Variants in CSMD1 observed in about 807,000 individuals in gnomAD.
The protein encoded by CSMD1 is CUB and Sushi multiple domains 1.
Under a neutral mutation model 417.5 loss-of-function variants are expected in CSMD1, and 213 were observed. The observed-to-expected ratio is 0.51, with a 90% CI of 0.46 to 0.57. The LOEUF (loss-of-function observed/expected upper bound fraction) is 0.57. CSMD1 is among the 20% of genes least tolerant of loss of function. CSMD1 has a pLI of 0.00. For synonymous variants in CSMD1, 2,862 were observed against 1,736.8 expected (o/e 1.65, Z -16.11); for missense variants, 6,923 against 4,529.7 (o/e 1.53, Z -15.17).
At chr8:4,339,931 A>C (rs1173498244) in intron 3 of CSMD1, among the ~76,000 whole-genome samples, 1 of 152,036 alleles carries the variant, frequency 6.6e-6, no homozygotes, top group South Asian at 2.1e-4. Flanking sequence ...GGCCTGAGGC[A>C]AGAGGATCAC....
At chr8:3,927,360 A>G (rs1809811381) in intron 5 of CSMD1, among the ~76,000 whole-genome samples, 1 of 151,990 alleles carries the variant, frequency 6.6e-6, no homozygotes, top group African/African-American at 2.4e-5. Context: ...AAGGAAAGGT[A>G]TCACTGTATA....
chr8:3,406,056 A>T lies in CSMD1; in HGVS notation c.2237T>A (p.Val746Asp), dbSNP rs182424404. The change falls in exon 15 of 70, where the codon GTC becomes GAC. Residue 746 changes from valine (V) to aspartate (D), a missense_variant. Val to Asp is a radical substitution (Grantham distance 152). Coordinates refer to ENST00000635120, the MANE Select transcript of CSMD1 (RefSeq NM_033225.6). ...ACAGCGGGGCACGGTGGAGCTCCAG[A>T]CCACGTTCCCGTCTTGCAGTATGCA... is the stretch of plus-strand genomic sequence containing the variant. ...ITCILQDGNV[V>D]WSSTVPRCEA... 9.9e-6 allele frequency: 16 copies of T among 1,613,898 alleles called. No homozygotes were observed. The East Asian group carries it at 3.3e-4, about 34-fold the overall frequency.
intron 5 of CSMD1, among the ~76,000 whole-genome samples, chr8:3,950,185 G>C (rs1291802172): frequency 3.3e-5 from 5 of 152,172 alleles, no homozygotes; most frequent in Non-Finnish European, 7.3e-5. Flanking sequence ...CAAGACCCTA[G>C]AGGCCACGAT....
intron 3 of CSMD1, among the ~76,000 whole-genome samples, chr8:4,037,334 A>G (rs2130612104): frequency 6.6e-6 from 1 of 152,276 alleles, no homozygotes; most frequent in African/African-American, 2.4e-5. Flanking sequence ...CCCAGAACCT[A>G]CCAAGCACTT....
At chr8:4,662,262 T>C (rs1585411235) in intron 1 of CSMD1, among the ~76,000 whole-genome samples, 4 of 152,236 alleles carry the variant, frequency 2.6e-5, no homozygotes, top group South Asian at 4.1e-4. Flanking sequence ...TTAATAAACA[T>C]TTTTATTTTG....
intron 3 of CSMD1, among the ~76,000 whole-genome samples, chr8:4,092,828 A>G (rs1057135090): frequency 6.6e-6 from 1 of 152,084 alleles, no homozygotes; most frequent in African/African-American, 2.4e-5. Context: ...ATTTGTTTTG[A>G]TCAAAGCACT....
chr8:3,245,949 T>C (rs941592675), intron 26 of CSMD1, among the ~76,000 whole-genome samples: 5 of 152,222 alleles, frequency 3.3e-5, no homozygotes, highest in African/African-American at 1.2e-4. Context: ...ATAGTGTTTT[T>C]ATTTTTTTCT....
At chr8:4,354,008 G>A (rs540102209) in intron 3 of CSMD1, among the ~76,000 whole-genome samples, 15 of 152,274 alleles carry the variant, frequency 9.9e-5, no homozygotes, top group Non-Finnish European at 1.8e-4. Flanking sequence ...TGGTTGTTCA[G>A]CACATTCTTC....
chr8:4,705,440 T>C (rs1204111455), intron 1 of CSMD1, among the ~76,000 whole-genome samples: 1 of 152,210 alleles, frequency 6.6e-6, no homozygotes, highest in East Asian at 1.9e-4. Context: ...CAGTCGCCTG[T>C]CATTCAAAAG....
In CSMD1 at chr8:4,289,426, A is replaced by AT. The variant is rs1017549082; in HGVS notation, c.415+130526dup. 1.0e-4 allele frequency among the ~76,000 whole-genome samples: 12 copies of AT among 119,244 alleles called. 1 individual carries two copies. Among genetic ancestry groups the AT allele is most frequent in the African/African-American group, 2.9e-4 (10 of 34,032 alleles). The allele number at this position is 119,244 out of a possible 152,430, so 78.2% of individuals were successfully genotyped here. ...GGGAGCCAGGGCCTGTGTTTCTCCT[A>AT]TTTTTTGCACAAACACTCTAAATGA... On this transcript the variant is annotated intron_variant, in intron 3 of 69. Transcript: ENST00000635120.
chr8:4,223,952 C>A (rs536120674), intron 3 of CSMD1, among the ~76,000 whole-genome samples: 1 of 152,162 alleles, frequency 6.6e-6, no homozygotes, highest in Non-Finnish European at 1.5e-5. Context: ...TGTGCTTGAA[C>A]ATACTAGTCC....
intron 37 of CSMD1, among the ~76,000 whole-genome samples, chr8:3,176,513 C>G (rs184431629): frequency 1.3e-5 from 2 of 152,198 alleles, no homozygotes; most frequent in African/African-American, 4.8e-5. Context: ...TTTCAAACCC[C>G]TAAGACCCTT....
At chr8:4,401,944 C>T (rs900713272) in intron 3 of CSMD1, among the ~76,000 whole-genome samples, 1 of 152,098 alleles carries the variant, frequency 6.6e-6, no homozygotes, top group Non-Finnish European at 1.5e-5. Flanking sequence ...CCCTGCTCTC[C>T]CGTGCATTTG....
intron 36 of CSMD1, among the ~76,000 whole-genome samples, chr8:3,187,487 A>C (rs1372771593): frequency 6.6e-6 from 1 of 152,160 alleles, no homozygotes; most frequent in Non-Finnish European, 1.5e-5. Flanking sequence ...CTGAGCCCAC[A>C]TGCTCAGTGT....
rs538588178 is a variant in CSMD1, at chr8:3,451,792, G to A, written c.1561+16920C>T. ...TCTTTTGGCTTAGGATTGACTTGTC[G>A]ATGCGGGCTCTTTTTTGGTTCCATA... is the stretch of plus-strand genomic sequence containing the variant. On this transcript the variant is annotated intron_variant, in intron 12 of 69. Coordinates refer to ENST00000635120, the MANE Select transcript of CSMD1 (RefSeq NM_033225.6). Among the ~76,000 whole-genome samples, 18 of 152,186 alleles carry A rather than the reference G, an allele frequency of 1.2e-4. No individual in the cohort carries two copies. In the East Asian group the frequency reaches 2.3e-3, roughly 20 times the overall value.
Position 3,118,382 on chromosome 8 carries a change from C to A in CSMD1, c.6430+17G>T, listed in dbSNP as rs764779175. The A allele has an allele frequency of 3.6e-5, 57 of 1,587,372 alleles. No homozygotes were observed. Among genetic ancestry groups the A allele is most frequent in the Non-Finnish European group, 4.7e-5 (55 of 1,160,740 alleles). ...CATGAAACATTAAATCGCCCCCATGCAAAGTGATGAACTTACCATCACATC... is the reference window on the plus strand; with the variant it reads ...CATGAAACATTAAATCGCCCCCATGAAAAGTGATGAACTTACCATCACATC... On this transcript the variant is annotated intron_variant, in intron 42 of 69. Transcript: ENST00000635120.
chr8:4,326,095 G>T (rs191706394), intron 3 of CSMD1, among the ~76,000 whole-genome samples: 2 of 152,252 alleles, frequency 1.3e-5, no homozygotes, highest in African/African-American at 4.8e-5. Flanking sequence ...AGAACGGAGT[G>T]GTAAATCAGA....
chr8:4,058,790 A>T (rs1189425309), intron 3 of CSMD1, among the ~76,000 whole-genome samples: 1 of 149,922 alleles, frequency 6.7e-6, no homozygotes, highest in African/African-American at 2.5e-5. Context: ...AGATTCATAA[A>T]GCAAGTCCTG....
rs546364741 is a variant in CSMD1, at chr8:3,759,274, G to A, written c.819-5232C>T. On this transcript the variant is annotated intron_variant, in intron 5 of 69. Coordinates refer to ENST00000635120, the MANE Select transcript of CSMD1 (RefSeq NM_033225.6). ...CTTAAAAAGACCAAAACAGAAATAC[G>A]GCCTGTTAATCAGAATGATCTAGAA... Among the ~76,000 whole-genome samples the A allele has an allele frequency of 9.2e-5, 14 of 152,128 alleles. No homozygotes were observed. The East Asian group carries it at 9.7e-4, about 10-fold the overall frequency.
Sources: gnomAD v4.1 joint callset for allele counts (sites outside exome capture counted in the v4.1 genomes callset) on GRCh38, gnomAD v4.1.1 for gene constraint, MANE v1.5 for transcripts, NCBI Gene and HGNC (gene_info 2026-07-23, HGNC 2026-07-21) for gene names.